The following KHDRBS3 variants were observed in gnomAD, a reference collection of about 807,000 sequenced individuals.
The protein encoded by KHDRBS3 is KH RNA binding domain containing, signal transduction associated 3.
Under a neutral mutation model 45.6 loss-of-function variants are expected in KHDRBS3, and 23 were observed. The ratio of observed to expected loss-of-function variants is 0.50; its 90% CI spans 0.36 to 0.72. The LOEUF (loss-of-function observed/expected upper bound fraction) is 0.72. KHDRBS3 is among the 30% of genes least tolerant of loss of function. KHDRBS3 has a pLI of 0.00. For missense variants in KHDRBS3, 352 were observed against 424.8 expected (o/e 0.83, Z 1.51); for synonymous variants, 162 against 156.5 (o/e 1.04, Z -0.26).
chr8:135,509,974 C>CTTTTT (rs1237666093), intron 1 of KHDRBS3, among the ~76,000 whole-genome samples: 3 of 122,936 alleles, frequency 2.4e-5, no homozygotes, highest in African/African-American at 3.4e-5. Context: ...TTCCCCCCCC[C>CTTTTT]TTTTTTTTTT....
intron 7 of KHDRBS3, among the ~76,000 whole-genome samples, chr8:135,609,057 G>T (rs901019244): frequency 5.3e-5 from 8 of 152,186 alleles, no homozygotes; most frequent in Non-Finnish European, 1.2e-4. Context: ...GCGCACCACT[G>T]CAGGCTTTAT....
At position 135,566,106 on chromosome 8, in the gene KHDRBS3, A is replaced by G. The variant is rs149557957; in HGVS notation, c.611+8519A>G. Among the ~76,000 whole-genome samples the G allele has an allele frequency of 2.2e-3, 333 of 152,276 alleles. 1 individual carries two copies. Among genetic ancestry groups the G allele is most frequent in the Non-Finnish European group, 3.4e-3 (233 of 68,024 alleles). On this transcript the variant is annotated intron_variant, in intron 5 of 8. Coordinates refer to ENST00000355849, the MANE Select transcript of KHDRBS3 (RefSeq NM_006558.3). ...GTATAAGCGAAATATTGTTATCTCT[A>G]TTTTATACATGATGAAAGTAGACTA... is the stretch of plus-strand genomic sequence containing the variant.
chr8:135,524,033 T>C lies in KHDRBS3; in HGVS notation c.207+2678T>C, dbSNP rs77100666. ...ATACTGACTTATACTATTTTTTTTT[T>C]GAGACAGAGTCTCACTCTGTTGCCC... On this transcript the variant is annotated intron_variant, in intron 2 of 8. Coordinates refer to ENST00000355849, the MANE Select transcript of KHDRBS3 (RefSeq NM_006558.3). 4.6e-5 allele frequency among the ~76,000 whole-genome samples: 7 copies of C among 151,946 alleles called. No homozygotes were observed. The South Asian group carries it at 1.5e-3, about 31-fold the overall frequency.
rs779921874 is a variant in KHDRBS3, at chr8:135,581,960, C to G, written c.694C>G (p.Arg232Gly). The G allele has an allele frequency of 6.2e-7, 1 of 1,613,480 alleles. No individual in the cohort carries two copies. The highest frequency in any genetic ancestry group is 8.5e-7 in the Non-Finnish European group (1 of 1,179,716). The change falls in exon 6 of 9, where the codon CGA becomes GGA. Residue 232 changes from arginine to glycine, a missense_variant. Physicochemically the swap from Arg to Gly is moderately radical, Grantham distance 125. Coordinates refer to ENST00000355849, the MANE Select transcript of KHDRBS3 (RefSeq NM_006558.3). Reference protein sequence around the residue: ...TPTPRGVLSTRGPVSRGRGLL... With the variant: ...TPTPRGVLSTGGPVSRGRGLL... ...AACTCCCAGAGGAGTCCTGTCCACC[C>G]GAGGGCCAGTGAGTCGGGGAAGAGG...
intron 3 of KHDRBS3, among the ~76,000 whole-genome samples, chr8:135,545,877 C>T (rs1041383218): frequency 6.6e-5 from 10 of 152,300 alleles, no homozygotes; most frequent in Non-Finnish European, 1.0e-4. Flanking sequence ...GTGGCTCATG[C>T]CTGTAATCCC....
At chr8:135,468,040 CCT>C (rs1444233180) in intron 1 of KHDRBS3, among the ~76,000 whole-genome samples, 1 of 151,882 alleles carries the variant, frequency 6.6e-6, no homozygotes, top group African/African-American at 2.4e-5. Context: ...TTTTTCAATC[CCT>C]CTCTCCCTCT....
At chr8:135,591,230 T>G (rs576166599) in intron 6 of KHDRBS3, among the ~76,000 whole-genome samples, 31 of 152,322 alleles carry the variant, frequency 2.0e-4, no homozygotes, top group African/African-American at 7.5e-4. Flanking sequence ...GTCAATGTAT[T>G]CTAATGGAGA....
At chr8:135,610,515 A>C (rs1357454033) in intron 7 of KHDRBS3, among the ~76,000 whole-genome samples, 2 of 146,098 alleles carry the variant, frequency 1.4e-5, no homozygotes, top group Non-Finnish European at 3.1e-5. Flanking sequence ...TGGAATACAA[A>C]GATTATTAAG....
At chr8:135,482,815 G>T (rs1822653075) in intron 1 of KHDRBS3, among the ~76,000 whole-genome samples, 1 of 152,148 alleles carries the variant, frequency 6.6e-6, no homozygotes, top group African/African-American at 2.4e-5. Context: ...CCACCTAGTA[G>T]GTAGCAGGGA....
rs1215135196 is a variant in KHDRBS3 at position 135,643,184 on chromosome 8, G to A, written c.891-1875G>A. Reference sequence around the variant, plus strand: ...CCAACCTGTTTCCTGCCTCTGCTTTGCATATTCTGTTTCTTCTGCCTGGAA... The same window carrying A: ...CCAACCTGTTTCCTGCCTCTGCTTTACATATTCTGTTTCTTCTGCCTGGAA... On this transcript the variant is annotated intron_variant, in intron 7 of 8. Transcript: ENST00000355849. Among the ~76,000 whole-genome samples, 3 of 152,120 alleles carry A rather than the reference G, an allele frequency of 2.0e-5. No homozygotes were observed. The East Asian group carries it at 5.8e-4, about 29-fold the overall frequency.
chr8:135,633,993 C>T (rs1830709874), intron 7 of KHDRBS3, among the ~76,000 whole-genome samples: 1 of 152,216 alleles, frequency 6.6e-6, no homozygotes, highest in Non-Finnish European at 1.5e-5. Context: ...ACCCAGAGTA[C>T]TTTCACTGCC....
chr8:135,580,070 C>T (rs575628101), intron 5 of KHDRBS3, among the ~76,000 whole-genome samples: 4 of 152,328 alleles, frequency 2.6e-5, no homozygotes, highest in East Asian at 3.9e-4. Flanking sequence ...TCCTCCCCAT[C>T]TCTGGCCAGT....
intron 7 of KHDRBS3, among the ~76,000 whole-genome samples, chr8:135,634,826 C>T (rs939578080): frequency 6.6e-6 from 1 of 152,160 alleles, no homozygotes; most frequent in Non-Finnish European, 1.5e-5. Context: ...ATACTTCCTC[C>T]CTCATCACTG....
chr8:135,469,004 A>G (rs1356003691), intron 1 of KHDRBS3, among the ~76,000 whole-genome samples: 4 of 152,206 alleles, frequency 2.6e-5, no homozygotes, highest in African/African-American at 9.6e-5. Flanking sequence ...TAATGAAAGC[A>G]TATCTCAAGG....
chr8:135,581,819 G>T, intron 5 of KHDRBS3, 59 bp from the exon 6 acceptor site: 1 of 1,247,750 alleles, frequency 8.0e-7, no homozygotes. Flanking sequence ...AAATATATGT[G>T]AATAACAGAA....
chr8:135,567,364 A>G (rs1261727091), intron 5 of KHDRBS3, among the ~76,000 whole-genome samples: 1 of 152,088 alleles, frequency 6.6e-6, no homozygotes, highest in Admixed American at 6.5e-5. Flanking sequence ...AGACATTTTC[A>G]TTAGTATATT....
rs150884805 is a variant in KHDRBS3, at chr8:135,584,234, G to A, written c.807+2161G>A. ...AGTGCTCTTTCTGTCACATGGTAGC[G>A]TTGCCTTCAAATAACTGACGGTCAT... On this transcript the variant is annotated intron_variant, in intron 6 of 8. Coordinates refer to ENST00000355849, the MANE Select transcript of KHDRBS3 (RefSeq NM_006558.3). Among the ~76,000 whole-genome samples, 199 of 152,294 alleles carry A rather than the reference G, an allele frequency of 1.3e-3. 2 individuals are homozygous for A. The highest frequency in any genetic ancestry group is 4.4e-3 in the African/African-American group (182 of 41,538).
intron 2 of KHDRBS3, among the ~76,000 whole-genome samples, chr8:135,527,105 G>A (rs1169786807): frequency 1.3e-5 from 2 of 152,114 alleles, no homozygotes; most frequent in African/African-American, 4.8e-5. Context: ...TGGTTCATCC[G>A]TCAGTGGATC....
At chr8:135,528,478 G>A (rs1825307063) in intron 2 of KHDRBS3, among the ~76,000 whole-genome samples, 1 of 152,090 alleles carries the variant, frequency 6.6e-6, no homozygotes, top group Non-Finnish European at 1.5e-5. Flanking sequence ...TGTTGCTCCT[G>A]TTTGATTTTC....
Sources: gnomAD v4.1 joint callset for allele counts (sites outside exome capture counted in the v4.1 genomes callset) on GRCh38, gnomAD v4.1.1 for gene constraint, MANE v1.5 for transcripts, NCBI Gene and HGNC (gene_info 2026-07-23, HGNC 2026-07-21) for gene names.